Variants in TSHZ3 observed in about 807,000 individuals in gnomAD.
TSHZ3 encodes the protein teashirt homolog 3.
Under a neutral mutation model 64.5 loss-of-function variants are expected in TSHZ3, and 10 were observed. The ratio of observed to expected loss-of-function variants is 0.16; its 90% CI spans 0.10 to 0.26. TSHZ3 has a LOEUF of 0.26. Ranked by LOEUF, TSHZ3 falls within the 10% of genes least tolerant of loss-of-function variation. The pLI is 1.00. For missense variants in TSHZ3, 1,242 were observed against 1,421.7 expected (o/e 0.87, Z 2.03); for synonymous variants, 608 against 593.1 (o/e 1.03, Z -0.36).
At position 31,279,896 on chromosome 19, in the gene TSHZ3, C is replaced by A; in HGVS notation, c.41-144G>T. On this transcript the variant is annotated intron_variant, in intron 1 of 1. Transcript: ENST00000240587. This position sits in a 1 kb window ranked among gnomAD's most constrained non-coding sequence, Gnocchi z 6.4. ...TGGGCTCTCAGGAAAACACAGCAAC[C>A]CAGATGGGTACATGTATTTGTAAAA... 1 of 570,942 alleles carries A rather than the reference C, an allele frequency of 1.8e-6. No individual in the cohort carries two copies. The allele number at this position is 570,942 out of a possible 1,614,324, so 35.4% of individuals were successfully genotyped here.
intron 1 of TSHZ3, among the ~76,000 whole-genome samples, chr19:31,330,924 G>A (rs1917071187): frequency 6.6e-6 from 1 of 152,128 alleles, no homozygotes; most frequent in Admixed American, 6.5e-5. Context: ...TCCCCCACAG[G>A]CACGGGCATG....
At chr19:31,263,777 G>T (rs1201208157) in intron 1 of TSHZ3, among the ~76,000 whole-genome samples, 1 of 152,134 alleles carries the variant, frequency 6.6e-6, no homozygotes, top group Non-Finnish European at 1.5e-5. Context: ...GCTGTATAGA[G>T]GCCCTAAGTT....
chr19:31,207,119 G>C (rs1001125522), intron 4 of TSHZ3, among the ~76,000 whole-genome samples: 12 of 152,122 alleles, frequency 7.9e-5, no homozygotes, highest in African/African-American at 2.7e-4. Context: ...CATTATTGCT[G>C]GTGTCTGTTC....
chr19:31,169,053 C>T (rs1327753450), intron 5 of TSHZ3, among the ~76,000 whole-genome samples: 6 of 151,412 alleles, frequency 4.0e-5, no homozygotes, highest in Admixed American at 3.3e-4. Context: ...ATGGGAGAAC[C>T]ACAGGGCTGG....
intron 1 of TSHZ3, among the ~76,000 whole-genome samples, chr19:31,302,703 T>C (rs1410797825): frequency 6.6e-6 from 1 of 152,218 alleles, no homozygotes; most frequent in Non-Finnish European, 1.5e-5. Flanking sequence ...TATATGCATT[T>C]TTCCTATCAG....
chr19:31,326,780 A>G (rs1916941942), intron 1 of TSHZ3, among the ~76,000 whole-genome samples: 1 of 152,260 alleles, frequency 6.6e-6, no homozygotes, highest in African/African-American at 2.4e-5. Flanking sequence ...TGCTCAGGGT[A>G]GCTCTGCACT....
At position 31,276,635 on chromosome 19, in the gene TSHZ3, T is replaced by C; in HGVS notation, c.3158A>G (p.Lys1053Arg). The change falls in exon 2 of 2, where the codon AAG becomes AGG. Residue 1053 changes from lysine to arginine, a missense_variant. Coordinates refer to ENST00000240587, the MANE Select transcript of TSHZ3 (RefSeq NM_020856.4). ...CKLCNRTFAS[K>R]HAVKLHLSKT... is the part of the protein sequence containing the mutation. ...GCTAAGGTGAAGTTTAACAGCGTGCTTGCTGGCAAAGGTCCGATTGCAAAG... is the reference window on the plus strand; with the variant it reads ...GCTAAGGTGAAGTTTAACAGCGTGCCTGCTGGCAAAGGTCCGATTGCAAAG... 1.2e-6 allele frequency: 2 copies of C among 1,611,700 alleles called. No homozygotes were observed. The highest frequency in any genetic ancestry group is 1.7e-6 in the Non-Finnish European group (2 of 1,177,978).
At chr19:31,289,639 C>A (rs1288142716) in intron 1 of TSHZ3, among the ~76,000 whole-genome samples, 1 of 152,126 alleles carries the variant, frequency 6.6e-6, no homozygotes, top group Non-Finnish European at 1.5e-5. Context: ...CCCAGTGCCC[C>A]ACTCCCAGGG....
intron 1 of TSHZ3, among the ~76,000 whole-genome samples, chr19:31,345,135 G>A (rs114063126): frequency 1.8e-3 from 268 of 152,178 alleles, no homozygotes; most frequent in African/African-American, 6.3e-3. Flanking sequence ...TTTCTCCTTC[G>A]TCTTCTTGGC....
chr19:31,206,371 G>T (rs528043245), intron 4 of TSHZ3, among the ~76,000 whole-genome samples: 1 of 152,262 alleles, frequency 6.6e-6, no homozygotes, highest in Non-Finnish European at 1.5e-5. Flanking sequence ...ATGAATGGAT[G>T]GATAGGTGGA....
At chr19:31,338,852 T>C (rs1917339327) in intron 1 of TSHZ3, among the ~76,000 whole-genome samples, 1 of 151,938 alleles carries the variant, frequency 6.6e-6, no homozygotes, top group Non-Finnish European at 1.5e-5. Context: ...TTTTCTTTTT[T>C]TTCCAGTGGG....
intron 1 of TSHZ3, among the ~76,000 whole-genome samples, chr19:31,252,978 T>A (rs1415496695): frequency 6.6e-6 from 1 of 152,216 alleles, no homozygotes; most frequent in Non-Finnish European, 1.5e-5. Context: ...ACAATGTATA[T>A]TAGACAAGTG....
At chr19:31,221,585 G>A (rs914916637) in intron 4 of TSHZ3, among the ~76,000 whole-genome samples, 1 of 152,120 alleles carries the variant, frequency 6.6e-6, no homozygotes, top group Non-Finnish European at 1.5e-5. Flanking sequence ...AGAAACCACT[G>A]TCTCTCCTCC....
chr19:31,232,803 T>C lies in TSHZ3; in HGVS notation n.551-4663A>G, dbSNP rs535626508. The stretch of plus-strand genomic sequence containing the variant: ...CTGTTTTAATATAATTGGAACTTAA[T>C]ATAAATTGAATCATACAGAATGCAT... On this transcript the variant is annotated intron_variant and non_coding_transcript_variant, in intron 3 of 6. Coordinates refer to the TSHZ3 transcript ENST00000651361. Among the ~76,000 whole-genome samples, 21 of 152,336 alleles carry C rather than the reference T, an allele frequency of 1.4e-4. No individual in the cohort carries two copies. The East Asian group carries it at 4.1e-3, about 29-fold the overall frequency.
At chr19:31,339,133 T>C (rs1917348163) in intron 1 of TSHZ3, among the ~76,000 whole-genome samples, 1 of 152,018 alleles carries the variant, frequency 6.6e-6, no homozygotes, top group African/African-American at 2.4e-5. Context: ...TGAGATTCAT[T>C]TCTACCACCC....
intron 1 of TSHZ3, among the ~76,000 whole-genome samples, chr19:31,296,327 ATTTTTT>A (rs35057697): frequency 2.1e-5 from 2 of 94,024 alleles, no homozygotes; most frequent in Non-Finnish European, 3.9e-5. Context: ...AGTGCTGTGA[ATTTTTT>A]TTTTTTTTTT....
intron 5 of TSHZ3, among the ~76,000 whole-genome samples, chr19:31,180,246 TGAAC>T (rs1275948064): frequency 7.2e-5 from 11 of 152,216 alleles, no homozygotes; most frequent in African/African-American, 2.2e-4. Context: ...AATGAATGAA[TGAAC>T]GAATGAATGA....
At chr19:31,291,971 G>C (rs1976574174) in intron 1 of TSHZ3, among the ~76,000 whole-genome samples, 1 of 152,164 alleles carries the variant, frequency 6.6e-6, no homozygotes, top group Admixed American at 6.5e-5. Flanking sequence ...GTGCATTTTT[G>C]CAAGACTGGT....
chr19:31,339,030 T>C (rs565281944), intron 1 of TSHZ3, among the ~76,000 whole-genome samples: 1 of 151,998 alleles, frequency 6.6e-6, no homozygotes, highest in African/African-American at 2.4e-5. Flanking sequence ...AAATGATAAA[T>C]GGTACCCGAA....
Sources: gnomAD v4.1 joint callset for allele counts (sites outside exome capture counted in the v4.1 genomes callset) on GRCh38, gnomAD v4.1.1 for gene constraint, Gnocchi (gnomAD v3.1) non-coding constraint, MANE v1.5 for transcripts, NCBI Gene and HGNC (gene_info 2026-07-23, HGNC 2026-07-21) for gene names.